The following STK32A variants were observed in gnomAD, a reference collection of about 807,000 sequenced individuals.
STK32A encodes the protein serine/threonine kinase 32A.
STK32A carries 41 observed loss-of-function variants against 53.2 expected under a neutral mutation model. The ratio of observed to expected loss-of-function variants is 0.77; its 90% CI spans 0.60 to 1.00. The LOEUF (loss-of-function observed/expected upper bound fraction) is 1.00. STK32A is among the 50% of genes least tolerant of loss of function. The pLI, the probability that STK32A is intolerant of heterozygous loss-of-function variation, is 0.00. For missense variants in STK32A, 458 were observed against 485.8 expected, an observed-to-expected ratio of 0.94 and a Z score of 0.54; for synonymous variants, 166 against 162.8, an observed-to-expected ratio of 1.02 and a Z score of -0.15.
In STK32A at chr5:147,314,011, C is replaced by T. The variant is rs148287664; in HGVS notation, c.261-9887C>T. ...GTAGATGATCAAGACCTTGTAATCA[C>T]TAATTGTTCCTCAGATATGACCCCA... On this transcript the variant is annotated intron_variant, in intron 4 of 12. Coordinates refer to ENST00000397936, the MANE Select transcript of STK32A (RefSeq NM_001112724.2). Among the ~76,000 whole-genome samples, 517 of 151,856 alleles carry T rather than the reference C, an allele frequency of 3.4e-3. 1 individual carries two copies. The highest frequency in any genetic ancestry group is 6.9e-3 in the Middle Eastern group (2 of 290).
chr5:147,396,329 A>G, the STK32A span, among the ~76,000 whole-genome samples: 3 of 152,328 alleles, frequency 2.0e-5, no homozygotes, highest in African/African-American at 4.8e-5. Flanking sequence ...CACCCAGCAC[A>G]TGCTCTGCTA....
chr5:147,309,993 T>G (rs1237432854), intron 4 of STK32A, among the ~76,000 whole-genome samples: 1 of 152,220 alleles, frequency 6.6e-6, no homozygotes, highest in Non-Finnish European at 1.5e-5. Flanking sequence ...CAAAATCAAC[T>G]TAAAAATTTC....
intron 3 of STK32A, among the ~76,000 whole-genome samples, 171 bp downstream of exon 3, chr5:147,278,350 G>T (rs896713673): frequency 6.6e-6 from 1 of 152,192 alleles, no homozygotes; most frequent in African/African-American, 2.4e-5. Flanking sequence ...TAAGAAAAGC[G>T]TGTGACAGGC....
intron 8 of STK32A, among the ~76,000 whole-genome samples, chr5:147,365,835 T>C (rs1251995278): frequency 6.6e-6 from 1 of 152,188 alleles, no homozygotes; most frequent in South Asian, 2.1e-4. Context: ...TATTTAACTA[T>C]CACCTATCTA....
rs1252013306 is a variant in STK32A at position 147,387,119 on chromosome 5, AAGAGCATCCC to A, written c.*3139_*3148del. Reference sequence around the variant, plus strand: ...AAAGTCTGAGCAGGTTTTGAAGTCCAAGAGCATCCCAGCTATAAGGCTCTTGCACTGTGAC... The same window carrying A: ...AAAGTCTGAGCAGGTTTTGAAGTCCAAGCTATAAGGCTCTTGCACTGTGAC... On this transcript the variant is annotated 3_prime_UTR_variant, in exon 13 of 13. Transcript: ENST00000397936. The A allele has an allele frequency of 1.3e-5, 2 of 152,224 alleles. No individual in the cohort carries two copies. The highest frequency in any genetic ancestry group is 4.8e-5 in the African/African-American group (2 of 41,450). The allele number at this position is 152,224 out of a possible 1,614,324, so 9.4% of individuals were successfully genotyped here.
In STK32A at chr5:147,384,525, T is replaced by C; in HGVS notation, c.*542T>C. The stretch of plus-strand genomic sequence containing the variant: ...GGAATCAGATTAAAAGTAACAGAGA[T>C]GGATGAGGGCCTTCCAGTGATATGC... On this transcript the variant is annotated 3_prime_UTR_variant, in exon 13 of 13. Coordinates refer to ENST00000397936, the MANE Select transcript of STK32A (RefSeq NM_001112724.2). The C allele has an allele frequency of 8.9e-7, 1 of 1,121,590 alleles. No homozygotes were observed. Among genetic ancestry groups the C allele is most frequent in the Middle Eastern group, 1.9e-4 (1 of 5,138 alleles). The allele number at this position is 1,121,590 out of a possible 1,614,324, so 69.5% of individuals were successfully genotyped here.
chr5:147,333,187 C>T (rs1274463161), intron 5 of STK32A, among the ~76,000 whole-genome samples: 2 of 152,018 alleles, frequency 1.3e-5, no homozygotes. Flanking sequence ...AAATATAAAA[C>T]TATGGTTTTA....
chr5:147,258,071 C>T (rs1282291260), intron 2 of STK32A, among the ~76,000 whole-genome samples: 1 of 151,472 alleles, frequency 6.6e-6, no homozygotes, highest in African/African-American at 2.4e-5. Context: ...AGTTGTTAAA[C>T]TTAATTTTAA....
At chr5:147,279,192 T>A in intron 3 of STK32A, 55 bp from the exon 4 acceptor site, 1 of 1,533,932 alleles carries the variant, frequency 6.5e-7, no homozygotes, top group Non-Finnish European at 8.9e-7. Context: ...CTGTCTCTCA[T>A]CACCATGATC....
chr5:147,258,852 A>G (rs1032753220), intron 2 of STK32A, among the ~76,000 whole-genome samples: 1 of 152,164 alleles, frequency 6.6e-6, no homozygotes, highest in African/African-American at 2.4e-5. Flanking sequence ...TGGGATTTCA[A>G]TTATTCTTTG....
intron 4 of STK32A, among the ~76,000 whole-genome samples, chr5:147,312,022 T>C (rs891463146): frequency 2.6e-5 from 4 of 152,220 alleles, no homozygotes; most frequent in African/African-American, 9.6e-5. Context: ...ACAGGGGAGA[T>C]AAACTCCAAC....
Position 147,239,636 on chromosome 5 carries a change from TG to T in STK32A, c.5del (p.Gly2?). 1 of 1,607,616 alleles carries T rather than the reference TG, an allele frequency of 6.2e-7. No homozygotes were observed. The highest frequency in any genetic ancestry group is 8.5e-7 in the Non-Finnish European group (1 of 1,176,800). [M>X]GANTSRKPPV... ...ATCCAGGTCTGGGCAGATTCAACCA[TG>T]GGAGCGAACACTTCAAGAAAACCAC... On this transcript the variant is annotated frameshift_variant and start_lost, in exon 2 of 13. Transcript: ENST00000397936. LOFTEE classifies it high-confidence loss of function.
At chr5:147,254,503 C>T (rs916720253) in intron 2 of STK32A, among the ~76,000 whole-genome samples, 6 of 152,132 alleles carry the variant, frequency 3.9e-5, no homozygotes, top group African/African-American at 1.4e-4. Context: ...ATAACATTTT[C>T]TTTTTAATTC....
intron 4 of STK32A, among the ~76,000 whole-genome samples, chr5:147,318,532 C>A (rs376021444): frequency 1.3e-5 from 2 of 150,698 alleles, no homozygotes; most frequent in South Asian, 4.2e-4. Context: ...TGAGAGGCTA[C>A]GGCAGGAGGA....
Position 147,279,358 on chromosome 5 carries a change from A to C in STK32A, c.220A>C (p.Ile74Leu). The stretch of plus-strand genomic sequence containing the variant: ...GAGAAATGTCTTCAAGGAACTCCAG[A>C]TCATGCAGGGTCTGGAGCACCCTTT... ...EVRNVFKELQ[I>L]MQGLEHPFLV... is the part of the protein sequence containing the mutation. Residue 74 changes from isoleucine to leucine, a missense_variant, in exon 4 of 13, where the codon ATC becomes CTC. By Grantham distance (5) the Ile-to-Leu change is conservative (BLOSUM62 2). Transcript: ENST00000397936. 1 of 1,609,722 alleles carries C rather than the reference A, an allele frequency of 6.2e-7. No homozygotes were observed. The highest frequency in any genetic ancestry group is 8.5e-7 in the Non-Finnish European group (1 of 1,177,844).
chr5:147,353,164 A>G (rs1227572372), intron 7 of STK32A, among the ~76,000 whole-genome samples: 1 of 152,156 alleles, frequency 6.6e-6, no homozygotes, highest in African/African-American at 2.4e-5. Flanking sequence ...ATGTCCTAAA[A>G]CAAATAGTGC....
intron 4 of STK32A, among the ~76,000 whole-genome samples, chr5:147,314,740 C>CTTTTTTTTTTTTTTT (rs780298418): frequency 7.4e-6 from 1 of 136,032 alleles, no homozygotes; most frequent in African/African-American, 2.7e-5. Context: ...CTTTCTTTTT[C>CTTTTTTTTTTTTTTT]TTTTTTTTTT....
chr5:147,351,739 CG>C (rs1755993525), intron 7 of STK32A, among the ~76,000 whole-genome samples: 1 of 152,008 alleles, frequency 6.6e-6, no homozygotes, highest in African/African-American at 2.4e-5. Context: ...CCCAGCTACT[CG>C]GGGGGCTGAG....
chr5:147,281,223 A>G (rs1169110264), intron 4 of STK32A, among the ~76,000 whole-genome samples: 1 of 152,164 alleles, frequency 6.6e-6, no homozygotes, highest in East Asian at 1.9e-4. Context: ...AAATCACACT[A>G]GTTCACCAGC....
Sources: gnomAD v4.1 joint callset for allele counts (sites outside exome capture counted in the v4.1 genomes callset) on GRCh38, gnomAD v4.1.1 for gene constraint, MANE v1.5 for transcripts, NCBI Gene and HGNC (gene_info 2026-07-23, HGNC 2026-07-21) for gene names.